FRAS1: variants seen among roughly 807,000 people sequenced by gnomAD.
FRAS1 encodes the protein extracellular matrix organizing protein FRAS1.
In FRAS1, 290 loss-of-function variants were observed where a neutral mutation model predicts 435.2. That is an observed-to-expected ratio of 0.67 (90% CI 0.61 to 0.73). The LOEUF is 0.73. Among genes scored for constraint, FRAS1 ranks in the 30% least tolerant of loss-of-function variants. The pLI is 0.00. For missense variants in FRAS1, 4,860 were observed against 5,001.5 expected, an observed-to-expected ratio of 0.97 and a Z score of 0.85; for synonymous variants, 1,800 against 1,851.0, an observed-to-expected ratio of 0.97 and a Z score of 0.71.
intron 2 of FRAS1, among the ~76,000 whole-genome samples, chr4:78,164,169 A>G (rs902773914): frequency 6.6e-6 from 1 of 152,210 alleles, no homozygotes; most frequent in Non-Finnish European, 1.5e-5. Flanking sequence ...ATAGCTTGGT[A>G]TTAGGCAGAA....
chr4:78,420,306 G>T (rs1733719890), intron 33 of FRAS1, among the ~76,000 whole-genome samples: 1 of 152,160 alleles, frequency 6.6e-6, no homozygotes, highest in Admixed American at 6.5e-5. Context: ...CTAAGTCATA[G>T]CTAACGGTTC....
Position 78,441,033 on chromosome 4 carries a change from T to G in FRAS1, c.5530-129T>G, listed in dbSNP as rs115223804. The G allele has an allele frequency of 7.7e-3, 5,969 of 776,210 alleles. 246 individuals are homozygous for G. In the African/African-American group the frequency reaches 0.09, roughly 12 times the overall value. The allele number at this position is 776,210 out of a possible 1,614,324, so 48.1% of individuals were successfully genotyped here. On this transcript the variant is annotated intron_variant, in intron 40 of 73. Transcript: ENST00000512123. ...ACACATTCCTCATCTCGTCTGTAGATGGTCTGCCTCCTCAAAGAAGCAGAA... is the reference window on the plus strand; with the variant it reads ...ACACATTCCTCATCTCGTCTGTAGAGGGTCTGCCTCCTCAAAGAAGCAGAA...
chr4:78,365,049 C>T (rs1731211246), intron 22 of FRAS1, among the ~76,000 whole-genome samples: 1 of 151,926 alleles, frequency 6.6e-6, no homozygotes, highest in Non-Finnish European at 1.5e-5. Context: ...TTAATACAGA[C>T]CATAGTGGAG....
At chr4:78,248,699 A>G (rs1255456445) in intron 4 of FRAS1, among the ~76,000 whole-genome samples, 1 of 152,206 alleles carries the variant, frequency 6.6e-6, no homozygotes, top group African/African-American at 2.4e-5. Context: ...ACTCCATAAC[A>G]GGAACAAATT....
rs1741876560 is a variant in FRAS1, at chr4:78,097,621, C to G, written c.108+31605C>G. Among the ~76,000 whole-genome samples the G allele has an allele frequency of 3.9e-5, 6 of 152,106 alleles. No individual in the cohort carries two copies. The South Asian group carries it at 1.0e-3, about 26-fold the overall frequency. ...AAGAGAGCTTGTGCAGGGAAACTTCCATTTTTAAAACCATCAGATCATATG... is the reference window on the plus strand; with the variant it reads ...AAGAGAGCTTGTGCAGGGAAACTTCGATTTTTAAAACCATCAGATCATATG... On this transcript the variant is annotated intron_variant, in intron 2 of 73. Coordinates refer to ENST00000512123, the MANE Select transcript of FRAS1 (RefSeq NM_025074.7).
At chr4:78,233,966 C>G (rs932376903) in intron 2 of FRAS1, among the ~76,000 whole-genome samples, 1 of 152,300 alleles carries the variant, frequency 6.6e-6, no homozygotes, top group East Asian at 1.9e-4. Context: ...TTTCTCCAGC[C>G]TTGCAGGAAG....
At chr4:78,232,624 A>C (rs1353100409) in intron 2 of FRAS1, among the ~76,000 whole-genome samples, 1 of 152,198 alleles carries the variant, frequency 6.6e-6, no homozygotes, top group East Asian at 1.9e-4. Context: ...TACCTAGATG[A>C]AGAAAATTTT....
At chr4:78,523,216 G>A (rs1721441405) in intron 69 of FRAS1, among the ~76,000 whole-genome samples, 1 of 152,168 alleles carries the variant, frequency 6.6e-6, no homozygotes, top group East Asian at 1.9e-4. Context: ...GAGACCAGAA[G>A]GGGCACACAT....
intron 54 of FRAS1, among the ~76,000 whole-genome samples, chr4:78,476,697 G>A (rs1490185776): frequency 2.0e-5 from 3 of 152,168 alleles, no homozygotes; most frequent in African/African-American, 7.2e-5. Flanking sequence ...GACTGTCAGT[G>A]TATTCTAGAT....
chr4:78,262,578 A>G (rs1399399608), intron 6 of FRAS1, among the ~76,000 whole-genome samples: 1 of 152,090 alleles, frequency 6.6e-6, no homozygotes, highest in East Asian at 1.9e-4. Context: ...CAGGAGGTGG[A>G]CTGTTTGTCT....
intron 41 of FRAS1, among the ~76,000 whole-genome samples, chr4:78,442,119 A>G (rs1734683082): frequency 6.6e-6 from 1 of 152,252 alleles, no homozygotes; most frequent in Non-Finnish European, 1.5e-5. Flanking sequence ...CTGGGATTTC[A>G]GCCTGGTAAC....
Position 78,405,683 on chromosome 4 carries a change from C to T in FRAS1, c.4130-1980C>T, listed in dbSNP as rs958097618. ...GTCTAGTGTCTAGTGTATTAAGATT[C>T]GAGTATTCTCCTATAGAATATTTTA... On this transcript the variant is annotated intron_variant, in intron 30 of 73. Transcript: ENST00000512123. 4.6e-5 allele frequency among the ~76,000 whole-genome samples: 7 copies of T among 152,152 alleles called. 1 individual carries two copies. Among genetic ancestry groups the T allele is most frequent in the Admixed American group, 1.3e-4 (2 of 15,266 alleles).
intron 2 of FRAS1, among the ~76,000 whole-genome samples, chr4:78,108,548 C>A: frequency 9.9e-6 from 1 of 101,334 alleles, no homozygotes; most frequent in Admixed American, 1.1e-4. Flanking sequence ...TCTTTGAAAC[C>A]AACGAGAACA....
rs185488591 is a variant in FRAS1, at chr4:78,508,951, G to C, written c.9725G>C (p.Arg3242Pro). ...VAAPTDGNGA[R>P]SPFETITDNT... The stretch of plus-strand genomic sequence containing the variant: ...GCCCCCACTGATGGCAATGGGGCCC[G>C]GTCTCCCTTTGAAACCATCACTGAC... Residue 3242 changes from arginine to proline, a missense_variant, in exon 63 of 74, where the codon CGG (arginine) becomes CCG (proline). Transcript: ENST00000512123. The C allele has an allele frequency of 1.9e-6, 3 of 1,613,798 alleles. No individual in the cohort carries two copies. The African/African-American group carries it at 4.0e-5, about 22-fold the overall frequency.
chr4:78,151,942 A>G (rs1290297381), intron 2 of FRAS1, among the ~76,000 whole-genome samples: 1 of 152,112 alleles, frequency 6.6e-6, no homozygotes, highest in Non-Finnish European at 1.5e-5. Flanking sequence ...CCTTGGGGAG[A>G]TATTTTAATT....
At chr4:78,194,235 T>G (rs1396575572) in intron 2 of FRAS1, among the ~76,000 whole-genome samples, 5 of 152,210 alleles carry the variant, frequency 3.3e-5, no homozygotes, top group African/African-American at 1.2e-4. Context: ...TTGGTGAATC[T>G]GACAGTTAGG....
rs1732263365 is a variant in FRAS1, at chr4:78,387,503, T to C, written c.3777T>C (p.Pro1259=). The part of the protein sequence containing the change: ...PQDVVIEIID[P]PLHGQLLQTL... ...ATGTGGTCATTGAAATAATCGATCC[T>C]CCACTTCATGGCCAATTGCTTCAGA... Residue 1259 remains proline (P), a synonymous_variant, in exon 29 of 74, where the codon CCT becomes CCC. Coordinates refer to ENST00000512123, the MANE Select transcript of FRAS1 (RefSeq NM_025074.7). 1 of 1,613,600 alleles carries C rather than the reference T, an allele frequency of 6.2e-7. No individual in the cohort carries two copies. The highest frequency in any genetic ancestry group is 8.5e-7 in the Non-Finnish European group (1 of 1,179,780).
At chr4:78,297,156 C>T (rs1226841829) in intron 14 of FRAS1, among the ~76,000 whole-genome samples, 3 of 149,230 alleles carry the variant, frequency 2.0e-5, no homozygotes, top group Admixed American at 1.3e-4. Flanking sequence ...ATTTGATTTG[C>T]ATATATCACA....
At chr4:78,150,285 T>G (rs1720591656) in intron 2 of FRAS1, among the ~76,000 whole-genome samples, 1 of 152,208 alleles carries the variant, frequency 6.6e-6, no homozygotes, top group Non-Finnish European at 1.5e-5. Context: ...TTTTCAAACT[T>G]CTTTTAGAAG....
Sources: allele counts gnomAD v4.1 joint callset (sites outside exome capture counted in the v4.1 genomes callset), GRCh38; gene constraint gnomAD v4.1.1; transcripts MANE v1.5; gene names NCBI Gene and HGNC (gene_info 2026-07-23, HGNC 2026-07-21).